TAF1D: variants seen among roughly 807,000 people sequenced by gnomAD.
TAF1D encodes TATA-box binding protein associated factor, RNA polymerase I subunit D.
TAF1D carries 23 observed loss-of-function variants against 26.2 expected under a neutral mutation model. The observed-to-expected ratio is 0.88, with a 90% CI of 0.63 to 1.25. The LOEUF (loss-of-function observed/expected upper bound fraction) is 1.25. Ranked by LOEUF, TAF1D falls within the 50% of genes most tolerant of loss-of-function variation. TAF1D has a pLI of 0.00. For missense variants in TAF1D, 299 were observed against 322.0 expected (o/e 0.93, Z 0.55); for synonymous variants, 100 against 105.6 (o/e 0.95, Z 0.33).
At chr11:93,737,906 T>C (rs1324309349) in intron 3 of TAF1D, among the ~76,000 whole-genome samples, 1 of 152,238 alleles carries the variant, frequency 6.6e-6, no homozygotes, top group Non-Finnish European at 1.5e-5. Context: ...CTTTTAAATA[T>C]GGCAAAGTGT....
At chr11:93,740,346 A>G (rs530653341) in intron 1 of TAF1D, among the ~76,000 whole-genome samples, 2 of 138,664 alleles carry the variant, frequency 1.4e-5, no homozygotes, top group East Asian at 4.8e-4. Context: ...ACTCGGGAGG[A>G]TCGCTTAAGC....
chr11:93,738,378 A>T lies in TAF1D; in HGVS notation c.190T>A (p.Ser64Thr). 6.2e-7 allele frequency: 1 copy of T among 1,613,966 alleles called. No homozygotes were observed. The highest frequency in any genetic ancestry group is 8.5e-7 in the Non-Finnish European group (1 of 1,179,986). Residue 64 changes from serine to threonine, a missense_variant, in exon 3 of 6, where the codon TCA becomes ACA. By Grantham distance (58) the Ser-to-Thr change is moderately conservative. Coordinates refer to ENST00000448108, the MANE Select transcript of TAF1D (RefSeq NM_024116.4). ...GGTTCAAAAGATGAGTCACTTGATG[A>T]ATCACTTGCGTGAACACTTTCAGGT... ...RTPESVHASD[S>T]SSDSSFEPIP...
intron 1 of TAF1D, among the ~76,000 whole-genome samples, chr11:93,740,713 CAA>C (rs1294266617): frequency 2.6e-5 from 4 of 152,116 alleles, no homozygotes; most frequent in African/African-American, 9.7e-5. Context: ...CAAGATTCTA[CAA>C]AGTCATTAAA....
chr11:93,735,967 T>C lies in TAF1D; in HGVS notation c.*194A>G, dbSNP rs982635289. ...TTTCTCTGGTGTTTTAATGGTTTTT[T>C]TTCTAATTATTACTACTTCACAAGT... On this transcript the variant is annotated 3_prime_UTR_variant, in exon 6 of 6. Coordinates refer to ENST00000448108, the MANE Select transcript of TAF1D (RefSeq NM_024116.4). 5.9e-6 allele frequency: 8 copies of C among 1,345,480 alleles called. No homozygotes were observed. The highest frequency in any genetic ancestry group is 6.6e-6 in the Non-Finnish European group (7 of 1,054,300). 83.3% of individuals were successfully genotyped at this position (1,345,480 alleles called of 1,614,324 possible). A position where few individuals can be genotyped will look rare whatever the true frequency, so the allele number is the denominator to read the frequency against.
Position 93,738,173 on chromosome 11 carries a change from C to A in TAF1D, c.395G>T (p.Gly132Val), listed in dbSNP as rs373988602. The A allele has an allele frequency of 5.9e-5, 93 of 1,576,920 alleles. No individual in the cohort carries two copies. The highest frequency in any genetic ancestry group is 7.6e-5 in the Non-Finnish European group (89 of 1,170,124). ...ATTCTCTGATTCTAAAAATGGGAAG[C>A]CAGATCCTCTGCTTCTAAATTGTTT... ...KKKQFRSRGS[G>V]FPFLESENEK... is the part of the protein sequence containing the mutation. Residue 132 changes from glycine (G) to valine (V), a missense_variant, in exon 3 of 6, where the codon GGC (glycine) becomes GTC (valine). Physicochemically the swap from Gly to Val is moderately radical, Grantham distance 109. Coordinates refer to ENST00000448108, the MANE Select transcript of TAF1D (RefSeq NM_024116.4).
chr11:93,732,286 G>C (rs1018019397), downstream of TAF1D: 3 of 494,388 alleles, frequency 6.1e-6, no homozygotes, highest in Non-Finnish European at 1.2e-5. Context: ...TTCTCAATTT[G>C]ACACCCTGGA....
In TAF1D at chr11:93,736,132, A is replaced by T. The variant is rs779038029; in HGVS notation, c.*29T>A. ...ATTTCTATGAAGTCGTTTTTTCTATATGCTTCACCTTTGACATTCATGATC... is the reference window on the plus strand; with the variant it reads ...ATTTCTATGAAGTCGTTTTTTCTATTTGCTTCACCTTTGACATTCATGATC... On this transcript the variant is annotated 3_prime_UTR_variant, in exon 6 of 6. Transcript: ENST00000448108. The T allele has an allele frequency of 6.2e-7, 1 of 1,610,952 alleles. No homozygotes were observed.
chr11:93,741,155 C>T (rs1287254632), intron 1 of TAF1D, among the ~76,000 whole-genome samples, 167 bp downstream of exon 1: 1 of 152,246 alleles, frequency 6.6e-6, no homozygotes. Context: ...GGGACTCATA[C>T]CAGCCGCGTG....
exon 12 of TAF1D, chr11:93,730,280 A>G: frequency 1.3e-6 from 2 of 1,531,134 alleles, no homozygotes; most frequent in Non-Finnish European, 8.9e-7. Flanking sequence ...CTTTCTAGAA[A>G]TAGTGTAAAG....
intron 1 of TAF1D, among the ~76,000 whole-genome samples, chr11:93,740,851 A>T (rs1941850954): frequency 6.6e-6 from 1 of 152,054 alleles, no homozygotes; most frequent in African/African-American, 2.4e-5. Flanking sequence ...CACTTTTTCG[A>T]AGTGTTTAGA....
At chr11:93,733,899 A>G (rs1016978740), downstream of TAF1D, 1 of 153,272 alleles carries the variant, frequency 6.5e-6, no homozygotes, top group African/African-American at 2.4e-5. Context: ...ATGCTCTTAC[A>G]ATATTGCCAA....
downstream of TAF1D, chr11:93,732,202 T>G (rs1939239067): frequency 4.0e-6 from 2 of 494,690 alleles, no homozygotes; most frequent in Admixed American, 4.1e-5. Context: ...GTGCTACTGA[T>G]AGAGGGAAAC....
chr11:93,735,698 T>C lies in TAF1D; in HGVS notation c.*463A>G. On this transcript the variant is annotated 3_prime_UTR_variant, in exon 6 of 6. Coordinates refer to ENST00000448108, the MANE Select transcript of TAF1D (RefSeq NM_024116.4). ...AAATAGTATTAAAGATACTCTAAAT[T>C]TGGAAAGGGAAATGAGGTTATTACA... is the stretch of plus-strand genomic sequence containing the variant. 1 of 1,005,032 alleles carries C rather than the reference T, an allele frequency of 9.9e-7. No homozygotes were observed. The highest frequency in any genetic ancestry group is 5.1e-4 in the Middle Eastern group (1 of 1,964). 62.3% of individuals were successfully genotyped at this position (1,005,032 alleles called of 1,614,324 possible). A position where few individuals can be genotyped will look rare whatever the true frequency, so the allele number is the denominator to read the frequency against.
At chr11:93,736,331 G>A in intron 5 of TAF1D, 27 bp from the exon 6 acceptor site, 5 of 1,580,550 alleles carry the variant, frequency 3.2e-6, no homozygotes, top group Non-Finnish European at 4.3e-6. Flanking sequence ...AAAAATCATG[G>A]ATTAAGCAAT....
intron 5 of TAF1D, 174 bp downstream of exon 5, chr11:93,736,520 A>G (rs1348587868): frequency 7.0e-7 from 1 of 1,424,898 alleles, no homozygotes; most frequent in Non-Finnish European, 9.2e-7. Context: ...TGAAAACCCC[A>G]TGTTCTTTAT....
chr11:93,740,402 G>C (rs1259110002), intron 1 of TAF1D, among the ~76,000 whole-genome samples: 1 of 114,434 alleles, frequency 8.7e-6, no homozygotes, highest in East Asian at 3.1e-4. Flanking sequence ...CTGCACTCCA[G>C]CCTGGACGAC....
intron 1 of TAF1D, 141 bp downstream of exon 1, chr11:93,741,181 C>A: frequency 2.7e-6 from 1 of 372,838 alleles, no homozygotes; most frequent in Non-Finnish European, 5.3e-6. Context: ...GAGTGGCCTG[C>A]GGCCGTGATC....
downstream of TAF1D, chr11:93,735,139 C>A (rs758827482): frequency 3.0e-6 from 4 of 1,350,716 alleles, no homozygotes; most frequent in Non-Finnish European, 3.9e-6. Context: ...TATCAAAACT[C>A]ATACTGAACA....
chr11:93,739,848 T>G (rs1941452524), intron 1 of TAF1D, among the ~76,000 whole-genome samples: 1 of 151,718 alleles, frequency 6.6e-6, no homozygotes, highest in East Asian at 1.9e-4. Flanking sequence ...TTTGTCATAT[T>G]GTATCTTTGC....
Sources: gnomAD v4.1 joint callset for allele counts (sites outside exome capture counted in the v4.1 genomes callset) on GRCh38, gnomAD v4.1.1 for gene constraint, MANE v1.5 for transcripts, NCBI Gene and HGNC (gene_info 2026-07-23, HGNC 2026-07-21) for gene names.